Variants in DISP1 observed in about 807,000 individuals in gnomAD.
The protein encoded by DISP1 is dispatched RND transporter family member 1.
In DISP1, 30 loss-of-function variants were observed where a neutral mutation model predicts 37.3. The observed-to-expected ratio is 0.80, with a 90% CI of 0.60 to 1.09. DISP1 has a LOEUF of 1.09. DISP1 is among the 50% of genes least tolerant of loss of function. The pLI is 0.00. For missense variants in DISP1, 1,598 were observed against 1,879.5 expected (o/e 0.85, Z 2.77); for synonymous variants, 634 against 690.2 (o/e 0.92, Z 1.28).
At chr1:222,962,907 A>G (rs1187145742) in intron 3 of DISP1, among the ~76,000 whole-genome samples, 2 of 152,254 alleles carry the variant, frequency 1.3e-5, no homozygotes, top group Non-Finnish European at 2.9e-5. Context: ...AGCAATTGCA[A>G]CAAAAGCCAA....
At chr1:222,927,305 C>T (rs200786662) in intron 1 of DISP1, among the ~76,000 whole-genome samples, 2 of 152,018 alleles carry the variant, frequency 1.3e-5, no homozygotes, top group East Asian at 1.9e-4. Flanking sequence ...TCACTAATGA[C>T]GTTGAACATC....
chr1:222,935,980 A>G (rs907231860), intron 2 of DISP1, among the ~76,000 whole-genome samples: 2 of 152,250 alleles, frequency 1.3e-5, no homozygotes, highest in Admixed American at 1.3e-4. Flanking sequence ...TGTTGGTCCC[A>G]TAAGATTATA....
At chr1:222,903,438 T>G (rs1051941236) in intron 1 of DISP1, among the ~76,000 whole-genome samples, 2 of 146,166 alleles carry the variant, frequency 1.4e-5, no homozygotes, top group Non-Finnish European at 3.1e-5. Flanking sequence ...CCCTAAAACT[T>G]AAAGTATAAT....
At chr1:222,881,781 GA>G (rs1361580326) in intron 1 of DISP1, among the ~76,000 whole-genome samples, 2 of 152,116 alleles carry the variant, frequency 1.3e-5, no homozygotes, top group Non-Finnish European at 2.9e-5. Context: ...TGGTTTAAAG[GA>G]AAAATATTGC....
At chr1:222,991,938 T>C in intron 6 of DISP1, 75 bp from the exon 7 acceptor site, 1 of 1,184,650 alleles carries the variant, frequency 8.4e-7, no homozygotes, top group Non-Finnish European at 1.2e-6. Context: ...TTTGAGGAAG[T>C]AATGTTTCCA....
At chr1:222,920,228 G>A (rs1444421438) in intron 1 of DISP1, among the ~76,000 whole-genome samples, 1 of 152,156 alleles carries the variant, frequency 6.6e-6, no homozygotes, top group African/African-American at 2.4e-5. Flanking sequence ...CTGTTAAAGA[G>A]AATGTTCTGA....
At chr1:222,988,604 CTCTCT>C (rs973928298) in intron 4 of DISP1, among the ~76,000 whole-genome samples, 7 of 149,574 alleles carry the variant, frequency 4.7e-5, no homozygotes, top group African/African-American at 1.7e-4. Flanking sequence ...CTTCCTTTCT[CTCTCT>C]TCTCTTTCTT....
intron 1 of DISP1, among the ~76,000 whole-genome samples, chr1:222,847,264 A>G (rs766528523): frequency 1.3e-4 from 20 of 152,222 alleles, no homozygotes; most frequent in Non-Finnish European, 2.5e-4. Context: ...CTGTCATAAT[A>G]AGATATTCTA....
intron 1 of DISP1, among the ~76,000 whole-genome samples, chr1:222,920,371 G>A (rs1273414064): frequency 2.0e-5 from 3 of 152,138 alleles, no homozygotes; most frequent in Admixed American, 1.3e-4. Flanking sequence ...ACTCTCCAGA[G>A]CCCATGGATT....
Position 223,004,669 on chromosome 1 carries a change from T to G in DISP1, c.3272T>G (p.Phe1091Cys), listed in dbSNP as rs1381172097. 6.2e-7 allele frequency: 1 copy of G among 1,614,118 alleles called. No homozygotes were observed. Among genetic ancestry groups the G allele is most frequent in the South Asian group, 1.1e-5 (1 of 91,082 alleles). The change falls in exon 9 of 9, where the codon TTC (phenylalanine) becomes TGC (cysteine). Residue 1091 changes from phenylalanine to cysteine, a missense_variant. By Grantham distance (205) the Phe-to-Cys change is radical (BLOSUM62 -2). Transcript: ENST00000675850. The surrounding 1 kb of genome is among the most constrained non-coding windows in gnomAD (Gnocchi z 4.9). ...ATGGCCATGGCTGCCCTGACCACCT[T>G]CGTGGCAGGGGCCATGATGATGCCC... is the stretch of plus-strand genomic sequence containing the variant. ...SAMAMAALTTFVAGAMMMPST... is the reference protein window; with the variant it reads ...SAMAMAALTTCVAGAMMMPST...
intron 1 of DISP1, among the ~76,000 whole-genome samples, chr1:222,858,034 C>A (rs1284062679): frequency 3.3e-5 from 5 of 152,146 alleles, no homozygotes; most frequent in Non-Finnish European, 7.4e-5. Flanking sequence ...AGACTTCAAA[C>A]TATACTATAA....
intron 1 of DISP1, among the ~76,000 whole-genome samples, chr1:222,902,893 C>A (rs59337800): frequency 0.064 from 9,599 of 150,566 alleles, 386 homozygotes; most frequent in East Asian, 0.23. Context: ...GTCAGTGTGG[C>A]GATTCCTCAG....
intron 1 of DISP1, among the ~76,000 whole-genome samples, chr1:222,881,928 T>A (rs1429109377): frequency 6.6e-6 from 1 of 152,210 alleles, no homozygotes; most frequent in African/African-American, 2.4e-5. Context: ...ATTTGACATG[T>A]ACACATAACT....
chr1:222,874,183 C>T (rs1447749497), intron 1 of DISP1, among the ~76,000 whole-genome samples: 3 of 152,176 alleles, frequency 2.0e-5, no homozygotes, highest in Non-Finnish European at 2.9e-5. Context: ...GGTAACCTGA[C>T]CTTTCTCTCT....
intron 2 of DISP1, among the ~76,000 whole-genome samples, chr1:222,936,865 T>C (rs1177824824): frequency 3.7e-5 from 3 of 80,866 alleles, no homozygotes; most frequent in African/African-American, 1.5e-4. Flanking sequence ...ATATAATTTA[T>C]ATATCATATA....
chr1:222,961,544 T>C (rs1457067303), intron 3 of DISP1, among the ~76,000 whole-genome samples: 2 of 152,136 alleles, frequency 1.3e-5, no homozygotes, highest in African/African-American at 4.8e-5. Flanking sequence ...AGCATTCCCT[T>C]TGAAAACCAG....
intron 3 of DISP1, among the ~76,000 whole-genome samples, chr1:222,945,199 A>T (rs1450020124): frequency 6.6e-6 from 1 of 152,150 alleles, no homozygotes; most frequent in Non-Finnish European, 1.5e-5. Flanking sequence ...CCTTCACAGC[A>T]TGTTACTGCA....
At chr1:222,833,241 G>A (rs193021805) in intron 1 of DISP1, among the ~76,000 whole-genome samples, 81 of 151,316 alleles carry the variant, frequency 5.4e-4, no homozygotes, top group Non-Finnish European at 9.7e-4. Flanking sequence ...TTAACAAAGT[G>A]ATAAGAGTTG....
intron 1 of DISP1, among the ~76,000 whole-genome samples, chr1:222,854,617 A>G (rs1308151467): frequency 2.0e-5 from 3 of 152,130 alleles, no homozygotes; most frequent in Non-Finnish European, 4.4e-5. Flanking sequence ...AATTCTGGGC[A>G]CTAAGGAATA....
Sources: gnomAD v4.1 joint callset for allele counts (sites outside exome capture counted in the v4.1 genomes callset) on GRCh38, gnomAD v4.1.1 for gene constraint, Gnocchi (gnomAD v3.1) non-coding constraint, MANE v1.5 for transcripts, NCBI Gene and HGNC (gene_info 2026-07-23, HGNC 2026-07-21) for gene names.